The following STT3B variants were observed in gnomAD, a reference collection of about 807,000 sequenced individuals.
STT3B encodes dolichyl-diphosphooligosaccharide--protein glycosyltransferase subunit STT3B.
In STT3B, 29 loss-of-function variants were observed where a neutral mutation model predicts 96.8. The observed-to-expected ratio is 0.30, with a 90% CI of 0.22 to 0.41. STT3B has a LOEUF of 0.41. STT3B is among the 10% of genes least tolerant of loss of function. The pLI, the probability that STT3B is intolerant of heterozygous loss-of-function variation, is 1.00. For synonymous variants in STT3B, 367 were observed against 360.0 expected (o/e 1.02, Z -0.22); for missense variants, 640 against 1,022.3 (o/e 0.63, Z 5.10).
chr3:31,556,768 C>T (rs1255965405), intron 1 of STT3B, among the ~76,000 whole-genome samples: 1 of 152,098 alleles, frequency 6.6e-6, no homozygotes, highest in Non-Finnish European at 1.5e-5. Flanking sequence ...TGTGTGAGTT[C>T]TTTCTAGGTT....
chr3:31,551,578 C>G lies in STT3B; in HGVS notation c.314+18266C>G, dbSNP rs1344705237. Among the ~76,000 whole-genome samples, 5 of 152,156 alleles carry G rather than the reference C, an allele frequency of 3.3e-5. No individual in the cohort carries two copies. In the East Asian group the frequency reaches 9.6e-4, roughly 29 times the overall value. On this transcript the variant is annotated intron_variant, in intron 1 of 15. Coordinates refer to ENST00000295770, the MANE Select transcript of STT3B (RefSeq NM_178862.3). ...TAATTGGTCATTTCTGTTGGTGGTA[C>G]TAGTCGCTTTCTCATTTACCGTTCC...
chr3:31,579,000 C>T (rs1401445883), intron 2 of STT3B, among the ~76,000 whole-genome samples: 3 of 151,878 alleles, frequency 2.0e-5, no homozygotes, highest in Non-Finnish European at 4.4e-5. Flanking sequence ...TCTTTTAGGA[C>T]TTACCTAAGG....
In STT3B at chr3:31,605,891, G is replaced by A. The variant is rs536998293; in HGVS notation, c.877+5432G>A. On this transcript the variant is annotated intron_variant, in intron 5 of 15. Coordinates refer to ENST00000295770, the MANE Select transcript of STT3B (RefSeq NM_178862.3). ...TTGGAACTTCCTAGAGACTTGTTGA[G>A]TGGCTTTGACCAAAATGCTCATAAT... Among the ~76,000 whole-genome samples, 39 of 152,312 alleles carry A rather than the reference G, an allele frequency of 2.6e-4. 1 individual carries two copies. In the South Asian group the frequency reaches 7.7e-3, roughly 30 times the overall value.
chr3:31,609,731 A>T (rs1157481135), intron 5 of STT3B, among the ~76,000 whole-genome samples: 2 of 152,068 alleles, frequency 1.3e-5, no homozygotes, highest in African/African-American at 4.8e-5. Flanking sequence ...AGTGGCTGGG[A>T]CTACAGGCAT....
Position 31,587,240 on chromosome 3 carries a change from C to A in STT3B, c.711+7144C>A, listed in dbSNP as rs573178414. On this transcript the variant is annotated intron_variant, in intron 3 of 15. Transcript: ENST00000295770. ...AACCAAGTTGTACCATTACCACTAT[C>A]CAGTTACAGAACATTTTAACACTCC... Among the ~76,000 whole-genome samples, 25 of 147,780 alleles carry A rather than the reference C, an allele frequency of 1.7e-4. No individual in the cohort carries two copies. The East Asian group carries it at 1.8e-3, about 10-fold the overall frequency.
rs201883224 is a variant in STT3B, at chr3:31,551,883, C to CTTCT, written c.314+18571_314+18572insTTCT. On this transcript the variant is annotated intron_variant, in intron 1 of 15. Transcript: ENST00000295770. Reference sequence around the variant, plus strand: ...AGCCCTGTTAGGGAAGCCTATGTGGCAAGGAACTACTAACAGCCTCTATGA... The same window carrying CTTCT: ...AGCCCTGTTAGGGAAGCCTATGTGGCTTCTAAGGAACTACTAACAGCCTCTATGA... Among the ~76,000 whole-genome samples, 1,498 of 152,274 alleles carry CTTCT rather than the reference C, an allele frequency of 9.8e-3. 34 individuals carry two copies. Among genetic ancestry groups the CTTCT allele is most frequent in the African/African-American group, 0.034 (1,428 of 41,538 alleles).
At chr3:31,547,153 A>G (rs1697432528) in intron 1 of STT3B, among the ~76,000 whole-genome samples, 1 of 152,168 alleles carries the variant, frequency 6.6e-6, no homozygotes, top group African/African-American at 2.4e-5. Context: ...GTGACAGAGT[A>G]GGCAGTAAGT....
At chr3:31,573,230 A>C (rs1005865149) in intron 1 of STT3B, among the ~76,000 whole-genome samples, 26 of 152,180 alleles carry the variant, frequency 1.7e-4, no homozygotes, top group African/African-American at 6.0e-4. Context: ...TATGTTAAGA[A>C]GTGGAGGTTT....
At chr3:31,564,032 G>A (rs144753573) in intron 1 of STT3B, among the ~76,000 whole-genome samples, 3 of 152,198 alleles carry the variant, frequency 2.0e-5, no homozygotes, top group African/African-American at 7.2e-5. Context: ...AACATGAACC[G>A]GGACCCAAAC....
chr3:31,562,726 C>T (rs530616512), intron 1 of STT3B, among the ~76,000 whole-genome samples: 1 of 152,296 alleles, frequency 6.6e-6, no homozygotes, highest in South Asian at 2.1e-4. Flanking sequence ...GGAATTTGTC[C>T]TTAGCGCAGG....
chr3:31,575,204 G>A (rs1698238874), intron 1 of STT3B, among the ~76,000 whole-genome samples: 1 of 152,042 alleles, frequency 6.6e-6, no homozygotes, highest in African/African-American at 2.4e-5. Context: ...CCCAACCAAG[G>A]TCACATAGCT....
intron 15 of STT3B, 151 bp from the exon 16 acceptor site, chr3:31,635,833 G>T: frequency 1.8e-6 from 1 of 543,584 alleles, no homozygotes; most frequent in Non-Finnish European, 3.3e-6. Context: ...TAACAGTTTA[G>T]TGGTGTTCAC....
At position 31,539,497 on chromosome 3, in the gene STT3B, T is replaced by A. The variant is rs142898300; in HGVS notation, c.314+6185T>A. Among the ~76,000 whole-genome samples the A allele has an allele frequency of 1.8e-3, 279 of 152,266 alleles. 1 individual carries two copies. Among genetic ancestry groups the A allele is most frequent in the Non-Finnish European group, 3.2e-3 (218 of 67,970 alleles). ...TCTGCCAGATTCCAAAGTCTGTTCC[T>A]CTTACCACACCCTCTGCCTCCAGGG... On this transcript the variant is annotated intron_variant, in intron 1 of 15. Transcript: ENST00000295770.
intron 3 of STT3B, among the ~76,000 whole-genome samples, chr3:31,591,060 A>C (rs760669376): frequency 6.6e-6 from 1 of 152,082 alleles, no homozygotes; most frequent in Non-Finnish European, 1.5e-5. Context: ...TTCTATCTTC[A>C]ACAATATGGT....
intron 1 of STT3B, among the ~76,000 whole-genome samples, chr3:31,552,438 A>T (rs1697584699): frequency 6.6e-6 from 1 of 152,232 alleles, no homozygotes; most frequent in Admixed American, 6.5e-5. Flanking sequence ...TATAATAGGG[A>T]GATAAACTAA....
chr3:31,538,969 G>A (rs936127784), intron 1 of STT3B, among the ~76,000 whole-genome samples: 1 of 152,102 alleles, frequency 6.6e-6, no homozygotes, highest in Non-Finnish European at 1.5e-5. Context: ...GAATATATTA[G>A]GAGGTGAGGA....
chr3:31,575,705 T>G (rs1034457351), intron 1 of STT3B, among the ~76,000 whole-genome samples: 4 of 152,102 alleles, frequency 2.6e-5, no homozygotes, highest in Non-Finnish European at 5.9e-5. Flanking sequence ...CCCACTTCCC[T>G]GCTTCGAAAT....
intron 1 of STT3B, among the ~76,000 whole-genome samples, chr3:31,544,992 T>G (rs1697368054): frequency 6.6e-6 from 1 of 152,166 alleles, no homozygotes; most frequent in South Asian, 2.1e-4. Flanking sequence ...TTAATAACCT[T>G]GTTCCATATA....
At chr3:31,549,170 G>C (rs767868565) in intron 1 of STT3B, among the ~76,000 whole-genome samples, 9 of 152,018 alleles carry the variant, frequency 5.9e-5, no homozygotes, top group Non-Finnish European at 1.2e-4. Context: ...AATAAAACTA[G>C]GACTGACTTT....
Sources: gnomAD v4.1 joint callset for allele counts (sites outside exome capture counted in the v4.1 genomes callset) on GRCh38, gnomAD v4.1.1 for gene constraint, MANE v1.5 for transcripts, NCBI Gene and HGNC (gene_info 2026-07-23, HGNC 2026-07-21) for gene names.